Variants in MEIOSIN observed in about 807,000 individuals in gnomAD.
MEIOSIN encodes the protein meiosis initiator.
MEIOSIN carries 18 observed loss-of-function variants against 23.4 expected under a neutral mutation model. That is an observed-to-expected ratio of 0.77 (90% CI 0.53 to 1.14). The LOEUF is 1.14. Ranked by LOEUF, MEIOSIN falls within the 50% of genes most tolerant of loss-of-function variation. The pLI is 0.00. For missense variants in MEIOSIN, 428 were observed against 242.9 expected (o/e 1.76, Z -5.07); for synonymous variants, 187 against 100.6 (o/e 1.86, Z -5.14).
chr19:45,743,336 G>A (rs1968538344), intron 3 of MEIOSIN, among the ~76,000 whole-genome samples: 1 of 151,972 alleles, frequency 6.6e-6, no homozygotes, highest in South Asian at 2.1e-4. Flanking sequence ...GTTTCTTGTC[G>A]GGTCTGCCAA....
rs1310002597 is a variant in MEIOSIN, at chr19:45,764,450, C to T, written c.*332C>T. 7.3e-6 allele frequency: 2 copies of T among 275,072 alleles called. No homozygotes were observed. Among genetic ancestry groups the T allele is most frequent in the Non-Finnish European group, 1.4e-5 (2 of 147,830 alleles). The allele number at this position is 275,072 out of a possible 1,614,324, so 17.0% of individuals were successfully genotyped here. ...ACTCGGTTGCAACCCTGTTCATGCT[C>T]ACCTCACCCTACTCCTCCCTCTCCT... is the stretch of plus-strand genomic sequence containing the variant. On this transcript the variant is annotated 3_prime_UTR_variant, in exon 15 of 15. Coordinates refer to ENST00000457052, the MANE Select transcript of MEIOSIN (RefSeq NM_001310124.2).
At chr19:45,748,660 T>C (rs1158051766) in intron 4 of MEIOSIN, among the ~76,000 whole-genome samples, 2 of 152,178 alleles carry the variant, frequency 1.3e-5, no homozygotes, top group African/African-American at 4.8e-5. Flanking sequence ...CATACAACCT[T>C]TATACTAGTA....
chr19:45,753,481 T>C (rs1486548935), intron 5 of MEIOSIN, among the ~76,000 whole-genome samples, 170 bp from the exon 6 acceptor site: 1 of 152,168 alleles, frequency 6.6e-6, no homozygotes, highest in Non-Finnish European at 1.5e-5. Context: ...CCCTCTACTT[T>C]CACAGTCCTG....
At chr19:45,738,751 T>A (rs576454390) in intron 2 of MEIOSIN, among the ~76,000 whole-genome samples, 40 of 152,322 alleles carry the variant, frequency 2.6e-4, no homozygotes, top group Middle Eastern at 3.4e-3. Context: ...GTCCGACTGT[T>A]GTAAGACGAG....
intron 4 of MEIOSIN, among the ~76,000 whole-genome samples, chr19:45,748,656 A>G (rs965342543): frequency 6.6e-6 from 1 of 152,088 alleles, no homozygotes; most frequent in Non-Finnish European, 1.5e-5. Context: ...TCTACATACA[A>G]CCTTTATACT....
chr19:45,736,669 C>T (rs768391793), intron 2 of MEIOSIN, among the ~76,000 whole-genome samples: 29 of 151,510 alleles, frequency 1.9e-4, no homozygotes, highest in Non-Finnish European at 3.5e-4. Context: ...CCCGGATTCA[C>T]GCTATTCTCC....
At position 45,736,332 on chromosome 19, in the gene MEIOSIN, A is replaced by G. The variant is rs533672383; in HGVS notation, c.71+885A>G. ...AAAGTGCTGGAATTACTAAGCCACC[A>G]CGCCCAACTGACATTCTGAGTGTCT... On this transcript the variant is annotated intron_variant, in intron 2 of 14. Coordinates refer to ENST00000457052, the MANE Select transcript of MEIOSIN (RefSeq NM_001310124.2). Among the ~76,000 whole-genome samples the G allele has an allele frequency of 3.3e-5, 5 of 151,890 alleles. No individual in the cohort carries two copies. In the South Asian group the frequency reaches 1.0e-3, roughly 32 times the overall value.
rs1307767738 is a variant in MEIOSIN at position 45,755,960 on chromosome 19, T to C, written c.803-10T>C. ...GTCCCCAGGCATGGTCATCCTGATC[T>C]GCCCCTTAGGCTGCTGGTGCCAGGG... is the stretch of plus-strand genomic sequence containing the variant. On this transcript the variant is annotated splice_polypyrimidine_tract_variant and intron_variant, in intron 7 of 14. Coordinates refer to ENST00000457052, the MANE Select transcript of MEIOSIN (RefSeq NM_001310124.2). 1 of 701,828 alleles carries C rather than the reference T, an allele frequency of 1.4e-6. No individual in the cohort carries two copies. The highest frequency in any genetic ancestry group is 1.7e-5 in the African/African-American group (1 of 57,242). 43.5% of individuals were successfully genotyped at this position (701,828 alleles called of 1,614,324 possible). A position where few individuals can be genotyped will look rare whatever the true frequency, so the allele number is the denominator to read the frequency against.
At chr19:45,734,232 G>A (rs1968372054) in intron 1 of MEIOSIN, among the ~76,000 whole-genome samples, 1 of 152,038 alleles carries the variant, frequency 6.6e-6, no homozygotes, top group Non-Finnish European at 1.5e-5. Flanking sequence ...TTAGGGTCTG[G>A]GGTTTCAGAG....
rs910625291 is a variant in MEIOSIN at position 45,755,598 on chromosome 19, G to A, written c.803-372G>A. Among the ~76,000 whole-genome samples, 4 of 151,904 alleles carry A rather than the reference G, an allele frequency of 2.6e-5. 1 individual carries two copies. The highest frequency in any genetic ancestry group is 4.1e-4 in the South Asian group (2 of 4,820). ...TCCTGAGTAGCTGGGACAGGCGCCCGCACCCATGCCCGGCTAATTTTTGTA... is the reference window on the plus strand; with the variant it reads ...TCCTGAGTAGCTGGGACAGGCGCCCACACCCATGCCCGGCTAATTTTTGTA... On this transcript the variant is annotated intron_variant, in intron 7 of 14. Coordinates refer to ENST00000457052, the MANE Select transcript of MEIOSIN (RefSeq NM_001310124.2).
chr19:45,742,118 C>T (rs1311722961), intron 3 of MEIOSIN, among the ~76,000 whole-genome samples: 1 of 152,030 alleles, frequency 6.6e-6, no homozygotes, highest in Non-Finnish European at 1.5e-5. Flanking sequence ...TCAGGTGATC[C>T]ACCTGCCTTG....
At chr19:45,762,660 C>T (rs1002490509) in intron 13 of MEIOSIN, among the ~76,000 whole-genome samples, 11 of 152,140 alleles carry the variant, frequency 7.2e-5, no homozygotes, top group African/African-American at 1.4e-4. Context: ...AGGCTGGTCT[C>T]GAATGCCTCA....
At chr19:45,749,359 A>G (rs1643987460) in intron 4 of MEIOSIN, among the ~76,000 whole-genome samples, 1 of 142,566 alleles carries the variant, frequency 7.0e-6, no homozygotes, top group Non-Finnish European at 1.5e-5. Context: ...CCAACAGAGC[A>G]AGAGACCCTG....
At chr19:45,755,594 G>A (rs545645336) in intron 7 of MEIOSIN, among the ~76,000 whole-genome samples, 2 of 151,968 alleles carry the variant, frequency 1.3e-5, no homozygotes, top group East Asian at 1.9e-4. Flanking sequence ...TGGGACAGGC[G>A]CCCGCACCCA....
intron 7 of MEIOSIN, among the ~76,000 whole-genome samples, chr19:45,755,362 C>G (rs1206168523): frequency 6.6e-6 from 1 of 152,098 alleles, no homozygotes; most frequent in East Asian, 1.9e-4. Context: ...ATTGACCAGG[C>G]TGGTCTTGAA....
intron 1 of MEIOSIN, among the ~76,000 whole-genome samples, chr19:45,734,086 C>T (rs191034931): frequency 6.6e-6 from 1 of 152,180 alleles, no homozygotes; most frequent in African/African-American, 2.4e-5. Flanking sequence ...TTTGGGGCAA[C>T]TGAAGCCTCA....
intron 4 of MEIOSIN, among the ~76,000 whole-genome samples, chr19:45,745,555 C>A (rs1968578043): frequency 6.6e-6 from 1 of 152,160 alleles, no homozygotes. Flanking sequence ...ATAGAGATAG[C>A]ACAAAGATCA....
chr19:45,738,986 G>A (rs541371615), intron 2 of MEIOSIN, among the ~76,000 whole-genome samples: 1 of 152,238 alleles, frequency 6.6e-6, no homozygotes, highest in East Asian at 1.9e-4. Flanking sequence ...GCATAAAAAG[G>A]GATTTATTGG....
intron 4 of MEIOSIN, among the ~76,000 whole-genome samples, chr19:45,748,184 T>G (rs550254501): frequency 1.4e-4 from 21 of 152,020 alleles, no homozygotes; most frequent in African/African-American, 5.1e-4. Flanking sequence ...TTCACGCCAT[T>G]CTCCTGCCTC....
Sources: allele counts gnomAD v4.1 joint callset (sites outside exome capture counted in the v4.1 genomes callset), GRCh38; gene constraint gnomAD v4.1.1; transcripts MANE v1.5; gene names NCBI Gene and HGNC (gene_info 2026-07-23, HGNC 2026-07-21).